CIMAP3: variants seen among roughly 807,000 people sequenced by gnomAD.
The protein encoded by CIMAP3 is ciliary microtubule associated protein 3, also known as ciliary microtubule-associated protein 3.
chr1:111,325,311 G>A, the CIMAP3 span, among the ~76,000 whole-genome samples: 5 of 152,208 alleles, frequency 3.3e-5, no homozygotes, highest in Admixed American at 2.0e-4. Context: ...GGAAGTTTAA[G>A]TAACTTCCAC....
At chr1:111,338,238 A>C in the CIMAP3 span, among the ~76,000 whole-genome samples, 1 of 152,182 alleles carries the variant, frequency 6.6e-6, no homozygotes, top group East Asian at 1.9e-4. Context: ...CCAACAAGAG[A>C]AAGAAGGAAA....
the CIMAP3 span, among the ~76,000 whole-genome samples, chr1:111,333,449 G>A: frequency 6.6e-6 from 1 of 152,160 alleles, no homozygotes; most frequent in South Asian, 2.1e-4. Flanking sequence ...GAGGGGTGAG[G>A]TGTATATCCT....
chr1:111,326,082 A>T, the CIMAP3 span, among the ~76,000 whole-genome samples: 3 of 152,266 alleles, frequency 2.0e-5, no homozygotes, highest in East Asian at 3.9e-4. Flanking sequence ...ACTTGCATAG[A>T]ATGTGTAATG....
the CIMAP3 span, among the ~76,000 whole-genome samples, chr1:111,336,595 T>C: frequency 5.9e-4 from 90 of 152,100 alleles, no homozygotes; most frequent in Middle Eastern, 6.8e-3. Context: ...AGAAAGGGTA[T>C]CAGCAATGGA....
chr1:111,348,576 CAA>C, the CIMAP3 span: 1 of 1,612,324 alleles, frequency 6.2e-7, no homozygotes, highest in African/African-American at 1.3e-5. Context: ...AAAACACAAA[CAA>C]AATTTTGCTC....
the CIMAP3 span, chr1:111,347,620 TTC>T: frequency 8.9e-3 from 9,592 of 1,081,772 alleles, 156 homozygotes; most frequent in South Asian, 0.015. Context: ...TGTTTTTTCT[TTC>T]TTTTTTTTTT....
chr1:111,347,252 C>T, the CIMAP3 span, among the ~76,000 whole-genome samples: 10 of 152,318 alleles, frequency 6.6e-5, no homozygotes, highest in African/African-American at 2.4e-4. Flanking sequence ...CCTTGCACCT[C>T]CATTAAACGC....
At chr1:111,337,951 G>A in the CIMAP3 span, among the ~76,000 whole-genome samples, 1 of 149,464 alleles carries the variant, frequency 6.7e-6, no homozygotes, top group Non-Finnish European at 1.5e-5. Context: ...TGGAAGTAAA[G>A]CTCTCCTCAG....
the CIMAP3 span, among the ~76,000 whole-genome samples, chr1:111,333,278 A>G: frequency 6.6e-6 from 1 of 152,108 alleles, no homozygotes; most frequent in African/African-American, 2.4e-5. Flanking sequence ...CGGGCTCCAC[A>G]CTGCTGGGCT....
At chr1:111,326,456 G>T in the CIMAP3 span, among the ~76,000 whole-genome samples, 7 of 152,072 alleles carry the variant, frequency 4.6e-5, no homozygotes, top group African/African-American at 1.4e-4. Context: ...TTCTATCCAT[G>T]TTGCTACAAG....
the CIMAP3 span, among the ~76,000 whole-genome samples, chr1:111,328,903 G>C: frequency 6.6e-6 from 1 of 152,178 alleles, no homozygotes. Context: ...CTGTTAGCTG[G>C]TTATTATGTT....
the CIMAP3 span, chr1:111,350,060 A>G: frequency 1.4e-6 from 2 of 1,473,108 alleles, no homozygotes; most frequent in African/African-American, 1.4e-5. Context: ...GAGTTTGTGT[A>G]TGATCACTAA....
the CIMAP3 span, among the ~76,000 whole-genome samples, chr1:111,341,237 T>C: frequency 7.3e-5 from 11 of 151,112 alleles, no homozygotes; most frequent in African/African-American, 1.9e-4. Context: ...AGGGATAGCA[T>C]TGGGAGATAT....
At chr1:111,336,562 A>T in the CIMAP3 span, among the ~76,000 whole-genome samples, 1 of 152,258 alleles carries the variant, frequency 6.6e-6, no homozygotes, top group Non-Finnish European at 1.5e-5. Context: ...CAGAAGACTC[A>T]GGAGCCGATG....
the CIMAP3 span, among the ~76,000 whole-genome samples, chr1:111,327,919 C>G: frequency 1.3e-5 from 2 of 151,978 alleles, no homozygotes; most frequent in Admixed American, 6.6e-5. Context: ...TCTTGCTTCT[C>G]TAATTCTTTT....
chr1:111,328,072 A>T, the CIMAP3 span, among the ~76,000 whole-genome samples: 5 of 152,172 alleles, frequency 3.3e-5, no homozygotes, highest in Admixed American at 3.3e-4. Context: ...ATTTTCAAAG[A>T]ACTTCTTGAT....
the CIMAP3 span, chr1:111,351,294 C>T: frequency 5.2e-5 from 83 of 1,590,272 alleles, no homozygotes; most frequent in Middle Eastern, 1.7e-4. Flanking sequence ...AGCATCGGAA[C>T]CGTGTGGCCT....
chr1:111,328,414 T>A, the CIMAP3 span, among the ~76,000 whole-genome samples: 10 of 152,224 alleles, frequency 6.6e-5, no homozygotes, highest in African/African-American at 2.4e-4. Flanking sequence ...GTTAATTTTC[T>A]TCCTCAGTGA....
chr1:111,347,625 T>TTC, the CIMAP3 span: 3 of 1,077,238 alleles, frequency 2.8e-6, no homozygotes, highest in Non-Finnish European at 2.7e-6. Context: ...TTTCTTTCTT[T>TTC]TTTTTTTTTT....
Sources: gnomAD v4.1 joint callset for allele counts (sites outside exome capture counted in the v4.1 genomes callset) on GRCh38, gnomAD v4.1.1 for gene constraint, MANE v1.5 for transcripts, NCBI Gene and HGNC (gene_info 2026-07-23, HGNC 2026-07-21) for gene names.